FARSB: variants seen among roughly 807,000 people sequenced by gnomAD.
The protein encoded by FARSB is phenylalanyl-tRNA synthetase subunit beta.
In FARSB, 40 loss-of-function variants were observed where a neutral mutation model predicts 69.6. The observed-to-expected ratio is 0.57, with a 90% CI of 0.45 to 0.75. FARSB has a LOEUF of 0.75. Among genes scored for constraint, FARSB ranks in the 30% least tolerant of loss-of-function variants. The pLI is 0.00. For synonymous variants in FARSB, 235 were observed against 247.2 expected, an observed-to-expected ratio of 0.95 and a Z score of 0.46; for missense variants, 632 against 722.9, an observed-to-expected ratio of 0.87 and a Z score of 1.44.
At chr2:222,609,236 A>G (rs1690782770) in intron 15 of FARSB, among the ~76,000 whole-genome samples, 1 of 152,228 alleles carries the variant, frequency 6.6e-6, no homozygotes, top group South Asian at 2.1e-4. Context: ...GATTTTGCAA[A>G]ATACAGTTGC....
chr2:222,630,079 A>G (rs376959679), intron 9 of FARSB, 34 bp downstream of exon 9: 22 of 1,305,028 alleles, frequency 1.7e-5, no homozygotes, highest in Non-Finnish European at 2.3e-5. Flanking sequence ...CTTCAGAACA[A>G]TGGGCCATCA....
At chr2:222,649,848 T>C (rs1386295674) in intron 1 of FARSB, among the ~76,000 whole-genome samples, 1 of 152,232 alleles carries the variant, frequency 6.6e-6, no homozygotes, top group Non-Finnish European at 1.5e-5. Context: ...CAAAACATCA[T>C]TAGCAGTATA....
chr2:222,631,996 C>T (rs1475111508), intron 7 of FARSB, among the ~76,000 whole-genome samples: 1 of 149,008 alleles, frequency 6.7e-6, no homozygotes, highest in Admixed American at 6.7e-5. Context: ...TGCTTGAACC[C>T]GGGAGGTGCA....
chr2:222,628,826 T>A lies in FARSB; in HGVS notation c.900+11A>T, dbSNP rs748311358. 7 of 1,570,862 alleles carry A rather than the reference T, an allele frequency of 4.5e-6. No homozygotes were observed. Among genetic ancestry groups the A allele is most frequent in the Admixed American group, 3.4e-5 (2 of 59,466 alleles). On this transcript the variant is annotated intron_variant, in intron 10 of 16. Transcript: ENST00000281828. ...TTGTCATAATCATGAAGTCATTTCT[T>A]AAGCACTTACTGGAAAGGTATGTGA...
At chr2:222,589,615 C>T (rs1454047173) in intron 16 of FARSB, among the ~76,000 whole-genome samples, 3 of 152,090 alleles carry the variant, frequency 2.0e-5, no homozygotes, top group South Asian at 4.1e-4. Flanking sequence ...ATCTACCCAT[C>T]TGACAAAGGG....
Position 222,586,146 on chromosome 2 carries a change from A to T in FARSB, c.1618+13782T>A, listed in dbSNP as rs191590403. Among the ~76,000 whole-genome samples the T allele has an allele frequency of 3.8e-3, 585 of 152,360 alleles. 4 individuals are homozygous for T. The highest frequency in any genetic ancestry group is 0.013 in the African/African-American group (545 of 41,582). ...TTACCCACAAAGGGAACCCCATCAG[A>T]CTAACAGCGGATCTCTCAGGAGAAA... On this transcript the variant is annotated intron_variant, in intron 16 of 16. Coordinates refer to ENST00000281828, the MANE Select transcript of FARSB (RefSeq NM_005687.5).
chr2:222,604,613 C>A (rs2106201708), intron 15 of FARSB, among the ~76,000 whole-genome samples: 1 of 152,202 alleles, frequency 6.6e-6, no homozygotes, highest in Non-Finnish European at 1.5e-5. Context: ...TGGAGTGCAG[C>A]AGCATGATCT....
At chr2:222,623,080 G>A (rs1691181094) in intron 13 of FARSB, among the ~76,000 whole-genome samples, 1 of 152,044 alleles carries the variant, frequency 6.6e-6, no homozygotes, top group Non-Finnish European at 1.5e-5. Flanking sequence ...TCAGCAAGAG[G>A]GAAAAACGGA....
chr2:222,629,847 C>T (rs1691371537), intron 9 of FARSB, among the ~76,000 whole-genome samples: 1 of 152,122 alleles, frequency 6.6e-6, no homozygotes, highest in Non-Finnish European at 1.5e-5. Flanking sequence ...CTCAAGCAAT[C>T]CTCCTGCCTC....
intron 15 of FARSB, among the ~76,000 whole-genome samples, chr2:222,613,216 A>T (rs1690903008): frequency 6.6e-6 from 1 of 152,264 alleles, no homozygotes; most frequent in Admixed American, 6.5e-5. Flanking sequence ...TGAAAATTAA[A>T]TTTATAAAAC....
intron 16 of FARSB, among the ~76,000 whole-genome samples, chr2:222,587,469 C>T (rs1447342105): frequency 1.3e-5 from 2 of 152,106 alleles, no homozygotes; most frequent in Non-Finnish European, 2.9e-5. Context: ...AGAGCAAACA[C>T]ATTCAAAAGC....
intron 7 of FARSB, among the ~76,000 whole-genome samples, chr2:222,632,875 A>G (rs1451936944): frequency 2.0e-5 from 3 of 152,044 alleles, no homozygotes; most frequent in African/African-American, 4.8e-5. Context: ...AACTACAGAC[A>G]TGACAGAGTT....
rs951696110 is a variant in FARSB at position 222,571,473 on chromosome 2, T to G, written c.*398A>C. 1 of 155,016 alleles carries G rather than the reference T, an allele frequency of 6.5e-6. No homozygotes were observed. Among genetic ancestry groups the G allele is most frequent in the Non-Finnish European group, 1.4e-5 (1 of 70,104 alleles). The allele number at this position is 155,016 out of a possible 1,614,324, so 9.6% of individuals were successfully genotyped here. ...AAACCCCTCAGTTATCTCGAACTCA[T>G]GCAACATGAATTCTCATCGATTATC... On this transcript the variant is annotated 3_prime_UTR_variant, in exon 17 of 17. Coordinates refer to ENST00000281828, the MANE Select transcript of FARSB (RefSeq NM_005687.5).
At chr2:222,585,125 G>A (rs976815108) in intron 16 of FARSB, among the ~76,000 whole-genome samples, 2 of 152,164 alleles carry the variant, frequency 1.3e-5, no homozygotes, top group Non-Finnish European at 2.9e-5. Context: ...ACAGCCGGGT[G>A]GCCCTCTGAG....
intron 15 of FARSB, among the ~76,000 whole-genome samples, chr2:222,603,624 C>A (rs1298033221): frequency 6.7e-6 from 1 of 148,506 alleles, no homozygotes; most frequent in Non-Finnish European, 1.5e-5. Context: ...CAAAGTCAAA[C>A]TAATTGGCTG....
At chr2:222,641,371 A>T (rs1329717620) in intron 3 of FARSB, among the ~76,000 whole-genome samples, 4 of 152,240 alleles carry the variant, frequency 2.6e-5, no homozygotes, top group African/African-American at 4.8e-5. Context: ...TGAATAAAAT[A>T]AGTGAAGACA....
intron 16 of FARSB, among the ~76,000 whole-genome samples, chr2:222,584,442 G>A (rs1238630974): frequency 1.3e-5 from 2 of 152,178 alleles, no homozygotes; most frequent in African/African-American, 4.8e-5. Flanking sequence ...GCAGAAGACA[G>A]GTGATTTCTG....
chr2:222,644,400 G>A, intron 2 of FARSB: 1 of 358,812 alleles, frequency 2.8e-6, no homozygotes, highest in South Asian at 2.1e-5. Flanking sequence ...GAGGAGGAAG[G>A]AGTAAAAAGG....
chr2:222,645,420 C>T (rs1691824105), intron 2 of FARSB, among the ~76,000 whole-genome samples: 1 of 152,048 alleles, frequency 6.6e-6, no homozygotes, highest in African/African-American at 2.4e-5. Context: ...TAGATTAGTA[C>T]AAAGATGATC....
Sources: allele counts gnomAD v4.1 joint callset (sites outside exome capture counted in the v4.1 genomes callset), GRCh38; gene constraint gnomAD v4.1.1; transcripts MANE v1.5; gene names NCBI Gene and HGNC (gene_info 2026-07-23, HGNC 2026-07-21).